The following SEM1 variants were observed in gnomAD, a reference collection of about 807,000 sequenced individuals.
The protein encoded by SEM1 is SEM1 26S proteasome subunit, also known as 26S proteasome complex subunit SEM1.
SEM1 carries 3 observed loss-of-function variants against 12.7 expected under a neutral mutation model. The observed-to-expected ratio is 0.24, with a 90% CI of 0.11 to 0.61. The LOEUF (loss-of-function observed/expected upper bound fraction) is 0.61, where lower values mean the gene tolerates loss of function less well. SEM1 is among the 20% of genes least tolerant of loss of function. The pLI is 0.88. For synonymous variants in SEM1, 30 were observed against 27.8 expected (o/e 1.08, Z -0.25); for missense variants, 59 against 81.3 (o/e 0.73, Z 1.06).
chr7:96,498,364 TG>T (rs1803375097), upstream of SEM1, among the ~76,000 whole-genome samples: 1 of 79,994 alleles, frequency 1.3e-5, no homozygotes, highest in East Asian at 6.1e-4. Flanking sequence ...TGTGTGTGCA[TG>T]TGCACGTGTG....
rs1269949574 is a variant in SEM1 at position 96,709,835 on chromosome 7, G to C, written c.-72C>G. The C allele has an allele frequency of 3.5e-6, 5 of 1,436,612 alleles. No individual in the cohort carries two copies. The highest frequency in any genetic ancestry group is 3.9e-6 in the Non-Finnish European group (4 of 1,022,886). The allele number at this position is 1,436,612 out of a possible 1,614,324, so 89.0% of individuals were successfully genotyped here. A position where few individuals can be genotyped will look rare whatever the true frequency, so the allele number is the denominator to read the frequency against. ...AACCCTCACTCTTCCTCAAGGAAAC[G>C]CCACCGTCACTACCGCCTCCGACGC... is the stretch of plus-strand genomic sequence containing the variant. On this transcript the variant is annotated 5_prime_UTR_variant, in exon 1 of 3. Coordinates refer to ENST00000248566, the MANE Select transcript of SEM1 (RefSeq NM_006304.2).
intron 2 of SEM1, among the ~76,000 whole-genome samples, chr7:96,659,225 T>C (rs561069755): frequency 2.6e-5 from 4 of 152,212 alleles, no homozygotes; most frequent in African/African-American, 9.6e-5. Flanking sequence ...AGTGAAACTA[T>C]AGAACACCAA....
intron 2 of SEM1, among the ~76,000 whole-genome samples, chr7:96,617,459 A>G (rs1388223097): frequency 9.2e-5 from 14 of 152,194 alleles, no homozygotes; most frequent in Non-Finnish European, 1.5e-5. Flanking sequence ...AGGGGTTTCT[A>G]GATATAATAA....
chr7:96,629,869 G>C (rs1288371838), intron 2 of SEM1, among the ~76,000 whole-genome samples: 1 of 152,184 alleles, frequency 6.6e-6, no homozygotes, highest in East Asian at 1.9e-4. Flanking sequence ...ATAATGCAGT[G>C]GTTCCTCCAG....
At chr7:96,639,473 A>G (rs1471881291) in intron 2 of SEM1, among the ~76,000 whole-genome samples, 4 of 152,036 alleles carry the variant, frequency 2.6e-5, no homozygotes, top group Non-Finnish European at 5.9e-5. Flanking sequence ...CAAAGGCAAT[A>G]TAGTGGAGAA....
At chr7:96,543,251 T>G (rs1805008687) in intron 2 of SEM1, among the ~76,000 whole-genome samples, 1 of 151,968 alleles carries the variant, frequency 6.6e-6, no homozygotes, top group African/African-American at 2.4e-5. Flanking sequence ...TACATTTACA[T>G]TTTATTGGGA....
At position 96,708,976 on chromosome 7, in the gene SEM1, T is replaced by TA. The variant is rs1248820835; in HGVS notation, c.76+711dup. On this transcript the variant is annotated intron_variant, in intron 1 of 2. Coordinates refer to ENST00000248566, the MANE Select transcript of SEM1 (RefSeq NM_006304.2). ...AAAATGTGTAAGGTTTAGGTTCTTTTAAAAAAATATTTTATTTTTGTAGGG... is the reference window on the plus strand; with the variant it reads ...AAAATGTGTAAGGTTTAGGTTCTTTTAAAAAAAATATTTTATTTTTGTAGGG... 3.9e-5 allele frequency among the ~76,000 whole-genome samples: 6 copies of TA among 152,256 alleles called. No individual in the cohort carries two copies. In the East Asian group the frequency reaches 1.2e-3, roughly 29 times the overall value.
intron 2 of SEM1, among the ~76,000 whole-genome samples, chr7:96,674,650 G>A (rs965226445): frequency 7.2e-5 from 11 of 152,108 alleles, no homozygotes; most frequent in African/African-American, 2.4e-4. Context: ...CTGGGCAACA[G>A]AGCAAGACCC....
intron 2 of SEM1, among the ~76,000 whole-genome samples, chr7:96,522,730 CCCA>C: frequency 8.0e-6 from 1 of 125,204 alleles, no homozygotes; most frequent in African/African-American, 2.7e-5. Context: ...ATACCCCCCC[CCCA>C]AAAAAAAATT....
chr7:96,566,545 T>C (rs1239476257), intron 2 of SEM1, among the ~76,000 whole-genome samples: 6 of 151,630 alleles, frequency 4.0e-5, no homozygotes, highest in Admixed American at 4.0e-4. Context: ...ATAAGAAAGA[T>C]AGCCCTTTAT....
At chr7:96,587,358 G>A (rs567195213) in intron 2 of SEM1, among the ~76,000 whole-genome samples, 2 of 152,196 alleles carry the variant, frequency 1.3e-5, no homozygotes, top group East Asian at 3.9e-4. Flanking sequence ...TCTGAAAAAG[G>A]CTTCTGTTCT....
downstream of SEM1, among the ~76,000 whole-genome samples, chr7:96,669,175 C>G (rs1789245649): frequency 6.6e-6 from 1 of 152,242 alleles, no homozygotes; most frequent in Admixed American, 6.5e-5. Context: ...CCCTAGGAAA[C>G]TAAAATGCTG....
intron 2 of SEM1, chr7:96,645,510 T>C (rs1808757742): frequency 5.8e-6 from 2 of 346,348 alleles, no homozygotes; most frequent in Non-Finnish European, 1.0e-5. Flanking sequence ...GGGGGCAGGA[T>C]GGGAAGGAAG....
downstream of SEM1, among the ~76,000 whole-genome samples, chr7:96,668,553 AG>A (rs1446842342): frequency 6.6e-6 from 1 of 152,228 alleles, no homozygotes; most frequent in Non-Finnish European, 1.5e-5. Flanking sequence ...CATATACATT[AG>A]ATATAACAGA....
chr7:96,595,386 C>T (rs540361648), intron 2 of SEM1, among the ~76,000 whole-genome samples: 1 of 152,088 alleles, frequency 6.6e-6, no homozygotes, highest in South Asian at 2.1e-4. Flanking sequence ...GTGGTGTGCA[C>T]ATGTAGTCCC....
At chr7:96,671,679 G>A (rs1429274504), downstream of SEM1, among the ~76,000 whole-genome samples, 3 of 152,178 alleles carry the variant, frequency 2.0e-5, no homozygotes, top group Admixed American at 6.5e-5. Flanking sequence ...ATAACCGATT[G>A]AAGAGAAGGG....
chr7:96,562,474 G>T (rs1805717880), intron 2 of SEM1, among the ~76,000 whole-genome samples: 1 of 152,088 alleles, frequency 6.6e-6, no homozygotes, highest in Non-Finnish European at 1.5e-5. Context: ...AAAATAATAA[G>T]TAAAAACGAT....
chr7:96,512,747 C>G (rs1302418359), intron 2 of SEM1, among the ~76,000 whole-genome samples: 3 of 152,004 alleles, frequency 2.0e-5, no homozygotes, highest in African/African-American at 7.2e-5. Context: ...TCAAGTGTCA[C>G]TAGTGTAAAA....
rs577068010 is a variant in SEM1 at position 96,584,952 on chromosome 7, C to A, written c.171-78254G>T. Among the ~76,000 whole-genome samples the A allele has an allele frequency of 2.0e-3, 306 of 151,304 alleles. 1 individual carries two copies. Among genetic ancestry groups the A allele is most frequent in the African/African-American group, 7.3e-3 (302 of 41,096 alleles). On this transcript the variant is annotated intron_variant and NMD_transcript_variant, in intron 2 of 3. Transcript: ENST00000466986. ...CTCGGAGTAATTTGATCGTCTGAAG[C>A]CTTCTTCTCTCAGCTCGTCAAAGTC...
Sources: gnomAD v4.1 joint callset for allele counts (sites outside exome capture counted in the v4.1 genomes callset) on GRCh38, gnomAD v4.1.1 for gene constraint, MANE v1.5 for transcripts, NCBI Gene and HGNC (gene_info 2026-07-23, HGNC 2026-07-21) for gene names.